The following ZRANB3 variants were observed in gnomAD, a reference collection of about 807,000 sequenced individuals.
ZRANB3 encodes the protein DNA annealing helicase and endonuclease ZRANB3.
ZRANB3 carries 125 observed loss-of-function variants against 133.8 expected under a neutral mutation model. The observed-to-expected ratio is 0.93, with a 90% confidence interval of 0.81 to 1.08. The LOEUF (loss-of-function observed/expected upper bound fraction) is 1.08, where lower values mean the gene tolerates loss of function less well. Among genes scored for constraint, ZRANB3 ranks in the 50% least tolerant of loss-of-function variants. The probability of loss-of-function intolerance (pLI) is 0.00; values close to 1 mark genes in which losing one functional copy is unlikely to be tolerated. For missense variants in ZRANB3, 1,229 were observed against 1,275.5 expected (o/e 0.96, Z 0.56); for synonymous variants, 387 against 432.7 (o/e 0.89, Z 1.31).
At chr2:135,418,923 C>CTTTTTTTTTTTTTTTTTTTT (rs1558986938) in intron 2 of ZRANB3, among the ~76,000 whole-genome samples, 1 of 114,326 alleles carries the variant, frequency 8.7e-6, no homozygotes, top group African/African-American at 3.6e-5. Flanking sequence ...TAAGGATTCT[C>CTTTTTTTTTTTTTTTTTTTT]TCTTTTTTTT....
chr2:135,445,203 G>A (rs572258436), intron 2 of ZRANB3, among the ~76,000 whole-genome samples: 1 of 152,258 alleles, frequency 6.6e-6, no homozygotes, highest in Non-Finnish European at 1.5e-5. Flanking sequence ...CAGCATTTTG[G>A]GAGGCTGAGG....
At position 135,364,110 on chromosome 2, in the gene ZRANB3, GAGGGAAGGAAGA is replaced by G. The variant is rs1056618322; in HGVS notation, c.181-10494_181-10483del. On this transcript the variant is annotated intron_variant, in intron 3 of 20. Coordinates refer to ENST00000264159, the MANE Select transcript of ZRANB3 (RefSeq NM_032143.4). ...GGAAGGAAGGAGGGCAGGAGGGAAG[GAGGGAAGGAAGA>G]AGGGAAGGAAGGAGGGAGGGAAGGA... Among the ~76,000 whole-genome samples, 13 of 151,748 alleles carry G rather than the reference GAGGGAAGGAAGA, an allele frequency of 8.6e-5. No homozygotes were observed. In the East Asian group the frequency reaches 1.7e-3, roughly 20 times the overall value.
At chr2:135,407,061 A>G (rs1458589612) in intron 2 of ZRANB3, among the ~76,000 whole-genome samples, 1 of 152,200 alleles carries the variant, frequency 6.6e-6, no homozygotes, top group Non-Finnish European at 1.5e-5. Context: ...ATGATTATAT[A>G]TCTAGAAAAC....
At chr2:135,213,249 A>G (rs1215384765) in intron 17 of ZRANB3, among the ~76,000 whole-genome samples, 1 of 152,190 alleles carries the variant, frequency 6.6e-6, no homozygotes, top group Non-Finnish European at 1.5e-5. Context: ...AGTTTTCAAT[A>G]TAATACCTCA....
intron 2 of ZRANB3, among the ~76,000 whole-genome samples, chr2:135,466,382 C>CAAAAAAAAA (rs553890734): frequency 1.1e-4 from 3 of 28,216 alleles, no homozygotes; most frequent in Non-Finnish European, 4.0e-4. Context: ...GACTCCGTCA[C>CAAAAAAAAA]AAAAAAAAAA....
intron 16 of ZRANB3, 121 bp from the exon 17 acceptor site, chr2:135,217,728 A>G: frequency 8.3e-7 from 1 of 1,207,588 alleles, no homozygotes; most frequent in Non-Finnish European, 1.1e-6. Context: ...TAGGCTTTTG[A>G]GTTCCATAAC....
chr2:135,272,414 C>CTTTTTTTTTTTTTT lies in ZRANB3; in HGVS notation c.1087-541_1087-528dup, dbSNP rs112209442. On this transcript the variant is annotated intron_variant, in intron 9 of 20. Transcript: ENST00000264159. ...CCAAATATTAACTGGGAAAATAGAG[C>CTTTTTTTTTTTTTT]TTTTTTTTTTTTTTTTTTGTGACGG... Among the ~76,000 whole-genome samples, 103 of 107,740 alleles carry CTTTTTTTTTTTTTT rather than the reference C, an allele frequency of 9.6e-4. 7 individuals carry two copies. Among genetic ancestry groups the CTTTTTTTTTTTTTT allele is most frequent in the Middle Eastern group, 4.6e-3 (1 of 218 alleles). The allele number at this position is 107,740 out of a possible 152,430, so 70.7% of individuals were successfully genotyped here.
chr2:135,286,766 T>C (rs961465365), intron 8 of ZRANB3, among the ~76,000 whole-genome samples: 1 of 152,136 alleles, frequency 6.6e-6, no homozygotes, highest in African/African-American at 2.4e-5. Context: ...GGGATTATTA[T>C]TATTATTTTT....
intron 12 of ZRANB3, among the ~76,000 whole-genome samples, chr2:135,255,603 G>A (rs1679613639): frequency 6.6e-6 from 1 of 152,108 alleles, no homozygotes; most frequent in Admixed American, 6.5e-5. Context: ...AATCCCAACA[G>A]TTTGTAAGGT....
At chr2:135,468,362 T>G (rs143577208) in intron 2 of ZRANB3, among the ~76,000 whole-genome samples, 2 of 152,340 alleles carry the variant, frequency 1.3e-5, no homozygotes, top group East Asian at 3.9e-4. Context: ...ATATTTGTCC[T>G]TTAAAACCCA....
intron 3 of ZRANB3, among the ~76,000 whole-genome samples, chr2:135,378,072 G>C (rs1281661763): frequency 3.9e-5 from 6 of 152,212 alleles, no homozygotes; most frequent in African/African-American, 1.4e-4. Flanking sequence ...TTGTTCCTCA[G>C]CCTGCTGATG....
intron 12 of ZRANB3, among the ~76,000 whole-genome samples, chr2:135,236,480 A>G (rs896227441): frequency 1.3e-5 from 2 of 152,188 alleles, no homozygotes; most frequent in African/African-American, 4.8e-5. Flanking sequence ...CACATTGCCA[A>G]GTCAATCCTA....
intron 5 of ZRANB3, among the ~76,000 whole-genome samples, chr2:135,347,157 C>T (rs1449809394): frequency 6.6e-6 from 1 of 152,158 alleles, no homozygotes; most frequent in Non-Finnish European, 1.5e-5. Flanking sequence ...CATTGTACGG[C>T]TATATCACAT....
chr2:135,437,915 T>C (rs536280319), intron 2 of ZRANB3, among the ~76,000 whole-genome samples: 1 of 152,280 alleles, frequency 6.6e-6, no homozygotes, highest in Admixed American at 6.5e-5. Flanking sequence ...CTCTCACCAA[T>C]GTGAGTGGGT....
chr2:135,500,300 T>C (rs1367354354), intron 2 of ZRANB3, among the ~76,000 whole-genome samples: 3 of 152,280 alleles, frequency 2.0e-5, no homozygotes, highest in Admixed American at 6.5e-5. Context: ...GAAATGTGTA[T>C]ATATATTCAC....
chr2:135,405,045 AC>A (rs1325527763), intron 2 of ZRANB3, among the ~76,000 whole-genome samples: 1 of 152,186 alleles, frequency 6.6e-6, no homozygotes, highest in African/African-American at 2.4e-5. Context: ...AAGAGTCAAG[AC>A]CCATCAGTGT....
At chr2:135,483,373 C>A (rs1006528861) in intron 2 of ZRANB3, among the ~76,000 whole-genome samples, 2 of 152,150 alleles carry the variant, frequency 1.3e-5, no homozygotes, top group African/African-American at 4.8e-5. Flanking sequence ...GGAATTTATC[C>A]ATTTCTTCTA....
chr2:135,485,144 C>CAAACA (rs377465491), intron 2 of ZRANB3, among the ~76,000 whole-genome samples: 1,993 of 148,828 alleles, frequency 0.013, 42 homozygotes, highest in East Asian at 0.07. Context: ...CAAAACAAAA[C>CAAACA]AAACAAAACA....
chr2:135,470,530 T>C (rs1691209468), intron 2 of ZRANB3, among the ~76,000 whole-genome samples: 2 of 150,910 alleles, frequency 1.3e-5, no homozygotes, highest in East Asian at 2.0e-4. Flanking sequence ...TACTAAAAAA[T>C]ACAAAAATTA....
Sources: gnomAD v4.1 joint callset for allele counts (sites outside exome capture counted in the v4.1 genomes callset) on GRCh38, gnomAD v4.1.1 for gene constraint, MANE v1.5 for transcripts, NCBI Gene and HGNC (gene_info 2026-07-23, HGNC 2026-07-21) for gene names.